Variants in ST8SIA5 observed in about 807,000 individuals in gnomAD.
The protein encoded by ST8SIA5 is ST8 alpha-N-acetyl-neuraminide alpha-2,8-sialyltransferase 5.
ST8SIA5 carries 24 observed loss-of-function variants against 40.2 expected under a neutral mutation model. That is an observed-to-expected ratio of 0.60 (90% CI 0.43 to 0.84). ST8SIA5 has a LOEUF of 0.84. ST8SIA5 is among the 40% of genes least tolerant of loss of function. The pLI, the probability that ST8SIA5 is intolerant of heterozygous loss-of-function variation, is 0.00. For missense variants in ST8SIA5, 465 were observed against 498.5 expected (o/e 0.93, Z 0.64); for synonymous variants, 198 against 201.8 (o/e 0.98, Z 0.16).
chr18:46,683,153 G>A (rs1473299457), intron 5 of ST8SIA5, among the ~76,000 whole-genome samples: 1 of 152,112 alleles, frequency 6.6e-6, no homozygotes, highest in East Asian at 1.9e-4. Flanking sequence ...GAATGATTAA[G>A]TACTCAATTC....
intron 1 of ST8SIA5, among the ~76,000 whole-genome samples, chr18:46,705,471 A>G (rs1230514708): frequency 6.6e-6 from 1 of 152,258 alleles, no homozygotes; most frequent in Non-Finnish European, 1.5e-5. Flanking sequence ...GGAAATTGAC[A>G]CAAGCATCCT....
chr18:46,713,522 G>A (rs1171269329), intron 1 of ST8SIA5, among the ~76,000 whole-genome samples: 1 of 152,148 alleles, frequency 6.6e-6, no homozygotes, highest in Non-Finnish European at 1.5e-5. Context: ...AACACTGGGA[G>A]AGAGTGCAGA....
At chr18:46,735,867 C>A (rs1235992932) in intron 1 of ST8SIA5, among the ~76,000 whole-genome samples, 7 of 152,054 alleles carry the variant, frequency 4.6e-5, no homozygotes, top group African/African-American at 1.7e-4. Context: ...CCCACTTTGG[C>A]CTCCCAAAGT....
At chr18:46,755,405 G>A (rs908097010) in intron 1 of ST8SIA5, among the ~76,000 whole-genome samples, 1 of 152,166 alleles carries the variant, frequency 6.6e-6, no homozygotes, top group African/African-American at 2.4e-5. Flanking sequence ...GTGAGAGTAG[G>A]GAGACACTAG....
At position 46,733,562 on chromosome 18, in the gene ST8SIA5, C is replaced by T. The variant is rs568492444; in HGVS notation, c.131+22816G>A. On this transcript the variant is annotated intron_variant, in intron 1 of 6. Coordinates refer to ENST00000315087, the MANE Select transcript of ST8SIA5 (RefSeq NM_013305.6). ...CAATAAACTAACAGGCGACAAAATG[C>T]GTCATACGCTAAAGGGTGAAAGGTG... 1.5e-3 allele frequency among the ~76,000 whole-genome samples: 219 copies of T among 150,788 alleles called. 2 individuals carry two copies. The highest frequency in any genetic ancestry group is 5.2e-3 in the African/African-American group (211 of 40,934).
rs2039354556 is a variant in ST8SIA5, at chr18:46,678,407, C to G, written c.*1635G>C. ...GGGATAAAGCCTGCACTCTCCACGT[C>G]CCTGACTGGCTCAGCCGGGGGGCCT... On this transcript the variant is annotated 3_prime_UTR_variant, in exon 7 of 7. Coordinates refer to ENST00000315087, the MANE Select transcript of ST8SIA5 (RefSeq NM_013305.6). 1 of 152,352 alleles carries G rather than the reference C, an allele frequency of 6.6e-6. No homozygotes were observed. The highest frequency in any genetic ancestry group is 2.4e-5 in the African/African-American group (1 of 41,454). 9.4% of individuals were successfully genotyped at this position (152,352 alleles called of 1,614,324 possible).
At position 46,756,562 on chromosome 18, in the gene ST8SIA5, G is replaced by T. The variant is rs2040250601; in HGVS notation, c.-54C>A. The T allele has an allele frequency of 2.5e-6, 4 of 1,589,178 alleles. No individual in the cohort carries two copies. Among genetic ancestry groups the T allele is most frequent in the Non-Finnish European group, 3.4e-6 (4 of 1,167,504 alleles). ...GTACGGGGCGGCCAGGCAATGACTC[G>T]CGGGGTTCCGGGGCCCCGGGGGGCG... On this transcript the variant is annotated 5_prime_UTR_variant, in exon 1 of 7. Transcript: ENST00000315087.
chr18:46,697,018 C>T (rs776187931), intron 2 of ST8SIA5, among the ~76,000 whole-genome samples: 65 of 151,014 alleles, frequency 4.3e-4, no homozygotes, highest in Non-Finnish European at 7.8e-4. Flanking sequence ...GTAAGCAGAA[C>T]CATCAAGCCT....
At position 46,756,403 on chromosome 18, in the gene ST8SIA5, G is replaced by A. The variant is rs763179502; in HGVS notation, c.106C>T (p.Leu36=). 1.9e-6 allele frequency: 3 copies of A among 1,613,044 alleles called. No homozygotes were observed. The highest frequency in any genetic ancestry group is 2.5e-6 in the Non-Finnish European group (3 of 1,179,266). The change falls in exon 1 of 7, where the codon CTG becomes TTG. Residue 36 remains leucine, a synonymous_variant. Transcript: ENST00000315087. ...CTCTTAATGTAGTTCCTGCCATACA[G>A]GATCTGTTGCAGCAAGGTCACCAAG... ...FALVTLLQQI[L]YGRNYIKRYF...
Position 46,756,540 on chromosome 18 carries a change from C to A in ST8SIA5, c.-32G>T. 1 of 1,609,166 alleles carries A rather than the reference C, an allele frequency of 6.2e-7. No homozygotes were observed. Among genetic ancestry groups the A allele is most frequent in the Non-Finnish European group, 8.5e-7 (1 of 1,177,370 alleles). ...TACCGGGCGCCGCGGGCGCGGGGTACGGGGCGGCCAGGCAATGACTCGCGG... is the reference window on the plus strand; with the variant it reads ...TACCGGGCGCCGCGGGCGCGGGGTAAGGGGCGGCCAGGCAATGACTCGCGG... On this transcript the variant is annotated 5_prime_UTR_variant, in exon 1 of 7. Coordinates refer to ENST00000315087, the MANE Select transcript of ST8SIA5 (RefSeq NM_013305.6).
In ST8SIA5 at chr18:46,756,581, G is replaced by A; in HGVS notation, c.-73C>T. On this transcript the variant is annotated 5_prime_UTR_variant, in exon 1 of 7. Coordinates refer to ENST00000315087, the MANE Select transcript of ST8SIA5 (RefSeq NM_013305.6). ...TGACTCGCGGGGTTCCGGGGCCCCG[G>A]GGGGCGCGCGGCCGACTTGGCGCCT... 2 of 1,507,396 alleles carry A rather than the reference G, an allele frequency of 1.3e-6. No homozygotes were observed. The highest frequency in any genetic ancestry group is 8.9e-7 in the Non-Finnish European group (1 of 1,128,476). 93.4% of individuals were successfully genotyped at this position (1,507,396 alleles called of 1,614,324 possible). A position where few individuals can be genotyped will look rare whatever the true frequency, so the allele number is the denominator to read the frequency against.
At chr18:46,706,790 G>T (rs2039674484) in intron 1 of ST8SIA5, among the ~76,000 whole-genome samples, 1 of 152,198 alleles carries the variant, frequency 6.6e-6, no homozygotes, top group African/African-American at 2.4e-5. Context: ...AAGGCTCAAG[G>T]CATGGTTTTG....
At position 46,746,801 on chromosome 18, in the gene ST8SIA5, G is replaced by A. The variant is rs184924533; in HGVS notation, c.131+9577C>T. Among the ~76,000 whole-genome samples the A allele has an allele frequency of 2.0e-3, 308 of 150,908 alleles. 1 individual carries two copies. Among genetic ancestry groups the A allele is most frequent in the African/African-American group, 7.0e-3 (290 of 41,142 alleles). On this transcript the variant is annotated intron_variant, in intron 1 of 6. Coordinates refer to ENST00000315087, the MANE Select transcript of ST8SIA5 (RefSeq NM_013305.6). The stretch of plus-strand genomic sequence containing the variant: ...AAAAAAACAAAGCTGGAGACACCAC[G>A]CTACCTGACTTCAAACTATATTACA...
intron 2 of ST8SIA5, among the ~76,000 whole-genome samples, chr18:46,695,434 C>G (rs1439484789): frequency 6.6e-6 from 1 of 152,200 alleles, no homozygotes; most frequent in Non-Finnish European, 1.5e-5. Context: ...TATTTAACCT[C>G]TCTGAGTCTC....
chr18:46,689,019 C>G (rs1316472079), intron 3 of ST8SIA5, 100 bp from the exon 4 acceptor site: 1 of 1,419,648 alleles, frequency 7.0e-7, no homozygotes, highest in African/African-American at 1.4e-5. Context: ...GAGCCGAGGC[C>G]TCTCCTGCTC....
intron 1 of ST8SIA5, among the ~76,000 whole-genome samples, chr18:46,706,006 T>A (rs1213655510): frequency 6.6e-6 from 1 of 152,192 alleles, no homozygotes; most frequent in Non-Finnish European, 1.5e-5. Flanking sequence ...TGGCTTCTTT[T>A]AAAAATATTG....
intron 1 of ST8SIA5, among the ~76,000 whole-genome samples, chr18:46,736,004 G>A (rs984604092): frequency 5.9e-5 from 9 of 152,014 alleles, no homozygotes; most frequent in African/African-American, 1.2e-4. Context: ...TTACAGCTGC[G>A]TATGAATCTA....
At chr18:46,738,159 G>C (rs2040053137) in intron 1 of ST8SIA5, among the ~76,000 whole-genome samples, 1 of 150,802 alleles carries the variant, frequency 6.6e-6, no homozygotes, top group Non-Finnish European at 1.5e-5. Context: ...AGCTAAATTA[G>C]AGAATTATTA....
At chr18:46,714,352 T>C (rs1465115306) in intron 1 of ST8SIA5, among the ~76,000 whole-genome samples, 1 of 152,194 alleles carries the variant, frequency 6.6e-6, no homozygotes, top group Non-Finnish European at 1.5e-5. Flanking sequence ...TTCTTTCCCA[T>C]TCTCATGCCT....
Sources: gnomAD v4.1 joint callset for allele counts (sites outside exome capture counted in the v4.1 genomes callset) on GRCh38, gnomAD v4.1.1 for gene constraint, MANE v1.5 for transcripts, NCBI Gene and HGNC (gene_info 2026-07-23, HGNC 2026-07-21) for gene names.